VPS54: variants seen among roughly 807,000 people sequenced by gnomAD.
The protein encoded by VPS54 is vacuolar protein sorting-associated protein 54.
In VPS54, 45 loss-of-function variants were observed where a neutral mutation model predicts 121.5. The observed-to-expected ratio is 0.37, with a 90% CI of 0.29 to 0.47. The LOEUF is 0.47. VPS54 is among the 20% of genes least tolerant of loss of function. The pLI is 0.99. For synonymous variants in VPS54, 371 were observed against 385.8 expected (o/e 0.96, Z 0.45); for missense variants, 1,090 against 1,131.4 (o/e 0.96, Z 0.52).
At chr2:63,909,018 G>C (rs559011405) in intron 20 of VPS54, among the ~76,000 whole-genome samples, 1 of 152,178 alleles carries the variant, frequency 6.6e-6, no homozygotes, top group African/African-American at 2.4e-5. Context: ...AACTTCATTT[G>C]CCCTCATCTT....
intron 21 of VPS54, among the ~76,000 whole-genome samples, chr2:63,897,964 CTTCA>C (rs1672514950): frequency 6.6e-6 from 1 of 152,180 alleles, no homozygotes; most frequent in South Asian, 2.1e-4. Context: ...AGTGAAATCA[CTTCA>C]AAGCATTTTA....
chr2:63,941,210 T>C (rs1173611866), intron 11 of VPS54, among the ~76,000 whole-genome samples: 2 of 152,122 alleles, frequency 1.3e-5, no homozygotes, highest in South Asian at 2.1e-4. Context: ...CTAATGATTG[T>C]ATTCTTTTTT....
At chr2:63,982,862 A>G (rs928773913) in intron 2 of VPS54, among the ~76,000 whole-genome samples, 2 of 152,220 alleles carry the variant, frequency 1.3e-5, no homozygotes, top group South Asian at 2.1e-4. Flanking sequence ...GTCTTGTTCA[A>G]CTTCAGCTGG....
At chr2:63,967,556 T>C (rs1411688734) in intron 5 of VPS54, among the ~76,000 whole-genome samples, 1 of 151,426 alleles carries the variant, frequency 6.6e-6, no homozygotes, top group African/African-American at 2.4e-5. Context: ...CCGTCTCTTC[T>C]AAAAATACTA....
intron 11 of VPS54, among the ~76,000 whole-genome samples, chr2:63,941,170 G>A (rs183766632): frequency 2.0e-5 from 3 of 152,192 alleles, no homozygotes; most frequent in Non-Finnish European, 2.9e-5. Context: ...TTCACAAATG[G>A]TCCCTTTTAA....
chr2:63,986,928 A>T (rs1397096769), intron 1 of VPS54, among the ~76,000 whole-genome samples: 1 of 152,130 alleles, frequency 6.6e-6, no homozygotes, highest in Admixed American at 6.5e-5. Flanking sequence ...TTGGATTTTT[A>T]TCTATAAGGT....
At chr2:63,991,923 A>G (rs12995137) in intron 1 of VPS54, among the ~76,000 whole-genome samples, 6,196 of 152,286 alleles carry the variant, frequency 0.041, 204 homozygotes, top group Non-Finnish European at 0.061. Flanking sequence ...CGATCTCTGT[A>G]GCACTATTCC....
chr2:63,928,795 A>G (rs961549427), intron 12 of VPS54, among the ~76,000 whole-genome samples: 3 of 151,862 alleles, frequency 2.0e-5, no homozygotes, highest in African/African-American at 7.3e-5. Context: ...CATAGGCTCA[A>G]AATAAAGGGA....
At chr2:63,926,690 C>T (rs1474278619) in intron 12 of VPS54, among the ~76,000 whole-genome samples, 11 of 152,342 alleles carry the variant, frequency 7.2e-5, no homozygotes, top group African/African-American at 1.2e-4. Context: ...GGCATCGCCT[C>T]ACCTGGGAAG....
chr2:63,975,221 T>C, intron 3 of VPS54: 1 of 515,702 alleles, frequency 1.9e-6, no homozygotes, highest in East Asian at 2.9e-5. Flanking sequence ...GTGAAAGAGA[T>C]CTGACCTAAC....
chr2:64,007,206 T>A (rs981749278), intron 1 of VPS54, among the ~76,000 whole-genome samples: 8 of 152,086 alleles, frequency 5.3e-5, no homozygotes, highest in Non-Finnish European at 1.0e-4. Flanking sequence ...GTAAAAAGAA[T>A]ATTGGAAAGT....
chr2:63,963,741 A>G (rs919881127), intron 6 of VPS54, among the ~76,000 whole-genome samples: 1 of 152,132 alleles, frequency 6.6e-6, no homozygotes, highest in Non-Finnish European at 1.5e-5. Flanking sequence ...TATTCACTAA[A>G]AAAGCAAAAT....
At chr2:64,002,552 T>C (rs1184922774) in intron 1 of VPS54, among the ~76,000 whole-genome samples, 2 of 152,252 alleles carry the variant, frequency 1.3e-5, no homozygotes, top group African/African-American at 4.8e-5. Flanking sequence ...GACAATACTA[T>C]GTTGATATCT....
At chr2:63,917,015 T>C (rs117915035) in intron 15 of VPS54, 52 bp from the exon 16 acceptor site, 70 of 1,582,654 alleles carry the variant, frequency 4.4e-5, no homozygotes, top group Admixed American at 1.5e-4. Flanking sequence ...CGAAACAAAA[T>C]AGAGAAAAAG....
chr2:63,943,206 G>A (rs1196248588), intron 10 of VPS54, among the ~76,000 whole-genome samples: 4 of 152,114 alleles, frequency 2.6e-5, no homozygotes, highest in Admixed American at 6.5e-5. Context: ...ATAGTTGACA[G>A]AAATCATTAA....
intron 11 of VPS54, among the ~76,000 whole-genome samples, chr2:63,935,858 G>GA (rs1164631484): frequency 6.6e-6 from 1 of 152,160 alleles, no homozygotes; most frequent in Non-Finnish European, 1.5e-5. Context: ...AACTCCAGGT[G>GA]AAAAATTCTA....
rs553857665 is a variant in VPS54 at position 63,896,389 on chromosome 2, G to A, written c.2828+1107C>T. Among the ~76,000 whole-genome samples the A allele has an allele frequency of 1.1e-4, 17 of 152,260 alleles. No homozygotes were observed. In the East Asian group the frequency reaches 3.3e-3, roughly 29 times the overall value. ...AAGGAGCAAAAGTGGCAGAGAGTAT[G>A]TGGCAAAATTTTAACAGTTGATAAA... On this transcript the variant is annotated intron_variant, in intron 22 of 22. Coordinates refer to ENST00000272322, the MANE Select transcript of VPS54 (RefSeq NM_016516.3).
intron 2 of VPS54, 116 bp downstream of exon 2, chr2:63,983,748 A>G: frequency 7.4e-7 from 1 of 1,360,096 alleles, no homozygotes; most frequent in Admixed American, 2.4e-5. Context: ...GGCCCCCCCA[A>G]ATGATTTTTA....
chr2:63,956,799 C>T (rs79643013), intron 7 of VPS54, among the ~76,000 whole-genome samples: 4,115 of 151,990 alleles, frequency 0.027, 183 homozygotes, highest in African/African-American at 0.095. Flanking sequence ...TGTAGAATGG[C>T]GGTGGTAGTA....
Sources: gnomAD v4.1 joint callset for allele counts (sites outside exome capture counted in the v4.1 genomes callset) on GRCh38, gnomAD v4.1.1 for gene constraint, MANE v1.5 for transcripts, NCBI Gene and HGNC (gene_info 2026-07-23, HGNC 2026-07-21) for gene names.